The following EYA2 variants were observed in gnomAD, a reference collection of about 807,000 sequenced individuals.
EYA2 encodes EYA transcriptional coactivator and phosphatase 2, also known as protein phosphatase EYA2.
A neutral mutation model predicts 69.2 loss-of-function variants in EYA2; 31 were observed. The observed-to-expected ratio is 0.45, with a 90% confidence interval of 0.34 to 0.60. EYA2 has a LOEUF of 0.60. Among genes scored for constraint, EYA2 ranks in the 20% least tolerant of loss-of-function variants. EYA2 has a pLI of 0.02. For missense variants in EYA2, 622 were observed against 701.2 expected (o/e 0.89, Z 1.28); for synonymous variants, 257 against 279.4 (o/e 0.92, Z 0.80).
intron 1 of EYA2, among the ~76,000 whole-genome samples, chr20:46,911,178 G>A (rs1307298798): frequency 6.6e-6 from 1 of 152,088 alleles, no homozygotes; most frequent in Non-Finnish European, 1.5e-5. Flanking sequence ...TCTGTCTTCA[G>A]GTAACACAGG....
chr20:47,046,651 A>G (rs1314757483), intron 5 of EYA2, among the ~76,000 whole-genome samples: 1 of 152,186 alleles, frequency 6.6e-6, no homozygotes, highest in Non-Finnish European at 1.5e-5. Context: ...ATTTCATGCT[A>G]ATCTGCCTTT....
At chr20:47,094,086 A>C (rs951188235) in intron 8 of EYA2, among the ~76,000 whole-genome samples, 1 of 152,226 alleles carries the variant, frequency 6.6e-6, no homozygotes, top group African/African-American at 2.4e-5. Flanking sequence ...GAATAGGGTC[A>C]CCTGCAGAAT....
At chr20:47,069,156 C>CA (rs1451107696) in intron 5 of EYA2, among the ~76,000 whole-genome samples, 1 of 152,124 alleles carries the variant, frequency 6.6e-6, no homozygotes. Flanking sequence ...CCAAAACAAA[C>CA]TTGAAAAAGA....
chr20:46,986,403 G>GATCTATATAATATCTATATATATAATAA (rs1981207163), intron 1 of EYA2, among the ~76,000 whole-genome samples: 1 of 134,854 alleles, frequency 7.4e-6, no homozygotes, highest in South Asian at 2.3e-4. Flanking sequence ...ATAATATATA[G>GATCTATATAATATCTATATATATAATAA]ATCTATATAA....
intron 12 of EYA2, among the ~76,000 whole-genome samples, chr20:47,179,342 ATGGG>A (rs1555835465): frequency 4.5e-5 from 3 of 66,748 alleles, no homozygotes; most frequent in Admixed American, 3.7e-4. Context: ...GGGTAGATTG[ATGGG>A]TGGGTGGGTG....
intron 9 of EYA2, among the ~76,000 whole-genome samples, chr20:47,105,893 C>A (rs1237091991): frequency 6.6e-6 from 1 of 152,004 alleles, no homozygotes; most frequent in African/African-American, 2.4e-5. Flanking sequence ...GAAAGAAAAT[C>A]AAAATGTAAA....
At chr20:47,076,709 GT>G (rs764410554) in intron 7 of EYA2, among the ~76,000 whole-genome samples, 10 of 152,124 alleles carry the variant, frequency 6.6e-5, no homozygotes, top group Non-Finnish European at 1.5e-4. Flanking sequence ...ATGTACAGGG[GT>G]TTAGAGCTAG....
chr20:46,966,999 G>A (rs1315938917), intron 1 of EYA2, among the ~76,000 whole-genome samples: 2 of 152,064 alleles, frequency 1.3e-5, no homozygotes, highest in African/African-American at 4.8e-5. Context: ...GTTTGTGTTT[G>A]TTTTTGTTTT....
At chr20:47,091,749 A>C (rs185723228) in intron 8 of EYA2, among the ~76,000 whole-genome samples, 58 of 152,322 alleles carry the variant, frequency 3.8e-4, no homozygotes, top group African/African-American at 1.0e-3. Context: ...TATCTCAAAA[A>C]AAAGAAACCA....
At chr20:46,964,369 G>A (rs546316475) in intron 1 of EYA2, among the ~76,000 whole-genome samples, 21 of 152,144 alleles carry the variant, frequency 1.4e-4, no homozygotes, top group Non-Finnish European at 2.5e-4. Context: ...GCTGGGAGGC[G>A]TCTTGGCAGG....
chr20:47,141,201 C>T (rs78618662), intron 9 of EYA2, among the ~76,000 whole-genome samples: 2,008 of 152,320 alleles, frequency 0.013, 53 homozygotes, highest in East Asian at 0.092. Context: ...TAAAGTGGCA[C>T]AGAGAAAGCA....
At chr20:47,080,031 C>G (rs897525588) in intron 7 of EYA2, among the ~76,000 whole-genome samples, 3 of 152,206 alleles carry the variant, frequency 2.0e-5, no homozygotes, top group African/African-American at 7.2e-5. Flanking sequence ...GCAGCAAATA[C>G]ACATTCTTTT....
intron 5 of EYA2, among the ~76,000 whole-genome samples, chr20:47,037,491 C>T (rs1984788050): frequency 6.6e-6 from 1 of 152,230 alleles, no homozygotes; most frequent in African/African-American, 2.4e-5. Flanking sequence ...CAAATTACCA[C>T]AAACTTCGTG....
chr20:47,014,925 A>G (rs1017984482), intron 4 of EYA2, among the ~76,000 whole-genome samples: 1 of 152,226 alleles, frequency 6.6e-6, no homozygotes, highest in African/African-American at 2.4e-5. Flanking sequence ...TCAATACAGA[A>G]TAAGGAAGAA....
At chr20:47,057,139 G>GAGGGAGGAAGGAAGGAAGGAAGGA (rs372743294) in intron 5 of EYA2, among the ~76,000 whole-genome samples, 42 of 129,178 alleles carry the variant, frequency 3.3e-4, no homozygotes, top group African/African-American at 1.2e-3. Context: ...AGGAAGGAGG[G>GAGGGAGGAAGGAAGGAAGGAAGGA]AGGAAGGAAG....
At chr20:47,076,380 A>G (rs1334280184) in intron 7 of EYA2, among the ~76,000 whole-genome samples, 1 of 152,006 alleles carries the variant, frequency 6.6e-6, no homozygotes. Flanking sequence ...TTATTTTTTG[A>G]CTTTTTAATA....
chr20:47,084,126 A>G (rs1251105037), intron 7 of EYA2, among the ~76,000 whole-genome samples: 1 of 152,132 alleles, frequency 6.6e-6, no homozygotes, highest in Non-Finnish European at 1.5e-5. Flanking sequence ...TGTGCCTGTA[A>G]TCCCAGCTAC....
chr20:47,058,056 G>A (rs928056216), intron 5 of EYA2, among the ~76,000 whole-genome samples: 10 of 152,214 alleles, frequency 6.6e-5, no homozygotes, highest in Non-Finnish European at 1.0e-4. Flanking sequence ...AGCTGCTAAT[G>A]CCAACAACTG....
chr20:47,186,924 A>G (rs1243852129), intron 15 of EYA2, among the ~76,000 whole-genome samples: 1 of 151,920 alleles, frequency 6.6e-6, no homozygotes, highest in Non-Finnish European at 1.5e-5. Context: ...CCTTTTTCCT[A>G]TTTACCTAGA....
Sources: gnomAD v4.1 joint callset for allele counts (sites outside exome capture counted in the v4.1 genomes callset) on GRCh38, gnomAD v4.1.1 for gene constraint, MANE v1.5 for transcripts, NCBI Gene and HGNC (gene_info 2026-07-23, HGNC 2026-07-21) for gene names.